The following ST7 variants were observed in gnomAD, a reference collection of about 807,000 sequenced individuals.
ST7 encodes suppression of tumorigenicity 7.
ST7 carries 28 observed loss-of-function variants against 78.7 expected under a neutral mutation model. That is an observed-to-expected ratio of 0.36 (90% CI 0.26 to 0.49). The LOEUF (loss-of-function observed/expected upper bound fraction) is 0.49. ST7 is among the 20% of genes least tolerant of loss of function. The pLI is 0.99. For missense variants in ST7, 418 were observed against 696.0 expected, an observed-to-expected ratio of 0.60 and a Z score of 4.49; for synonymous variants, 247 against 249.6, an observed-to-expected ratio of 0.99 and a Z score of 0.10.
At position 117,230,108 on chromosome 7, in the gene ST7, T is replaced by G. The variant is rs1321505413; in HGVS notation, c.*251T>G. ...AACTTTTGTGTATTACAGCAATCAT[T>G]TGTATCCTCCTGTGTCTTCCAACCC... On this transcript the variant is annotated 3_prime_UTR_variant, in exon 16 of 16. Transcript: ENST00000323984. 1.5e-6 allele frequency: 1 copy of G among 650,616 alleles called. No individual in the cohort carries two copies. The allele number at this position is 650,616 out of a possible 1,614,324, so 40.3% of individuals were successfully genotyped here.
intron 13 of ST7, among the ~76,000 whole-genome samples, chr7:117,210,894 TAAAAC>T (rs1020302908): frequency 6.6e-6 from 1 of 152,188 alleles, no homozygotes; most frequent in African/African-American, 2.4e-5. Flanking sequence ...CATGGGAAAC[TAAAAC>T]AAGAGAGTCT....
At chr7:117,197,571 T>C (rs558678725) in intron 12 of ST7, among the ~76,000 whole-genome samples, 1 of 152,224 alleles carries the variant, frequency 6.6e-6, no homozygotes, top group Non-Finnish European at 1.5e-5. Flanking sequence ...TATCATATCC[T>C]CACTGTCATT....
chr7:117,099,074 A>AG (rs1801364877), intron 1 of ST7, among the ~76,000 whole-genome samples: 7 of 149,492 alleles, frequency 4.7e-5, no homozygotes, highest in African/African-American at 9.8e-5. Flanking sequence ...AACAAAAAAA[A>AG]AAGAAGAAGA....
At chr7:117,058,853 G>A (rs1262519411) in intron 1 of ST7, among the ~76,000 whole-genome samples, 1 of 152,088 alleles carries the variant, frequency 6.6e-6, no homozygotes, top group Non-Finnish European at 1.5e-5. Context: ...AATGGAGTAC[G>A]ATTCAGCCAT....
At chr7:116,988,334 T>C (rs917520060) in intron 1 of ST7, among the ~76,000 whole-genome samples, 2 of 152,202 alleles carry the variant, frequency 1.3e-5, no homozygotes, top group African/African-American at 4.8e-5. Flanking sequence ...TAAAATGGAA[T>C]GTTTATTGAT....
At chr7:117,132,516 A>T (rs1361763121) in intron 6 of ST7, among the ~76,000 whole-genome samples, 1 of 151,844 alleles carries the variant, frequency 6.6e-6, no homozygotes, top group Non-Finnish European at 1.5e-5. Context: ...TTAAAGTTGG[A>T]GTCATAAAAA....
At chr7:117,052,339 A>G (rs1197899854) in intron 1 of ST7, among the ~76,000 whole-genome samples, 2 of 152,154 alleles carry the variant, frequency 1.3e-5, no homozygotes, top group South Asian at 2.1e-4. Flanking sequence ...AAACAGGTTG[A>G]TAAGTTTTGC....
chr7:117,044,724 G>A (rs1009897329), intron 1 of ST7, among the ~76,000 whole-genome samples: 4 of 152,088 alleles, frequency 2.6e-5, no homozygotes, highest in Admixed American at 6.6e-5. Context: ...CAAACCCAGC[G>A]TTCTGTGACT....
intron 1 of ST7, among the ~76,000 whole-genome samples, chr7:117,031,157 T>C (rs941829288): frequency 6.6e-6 from 1 of 151,310 alleles, no homozygotes; most frequent in Non-Finnish European, 1.5e-5. Context: ...GGACAGAAAT[T>C]GGGTAATAAC....
At chr7:117,064,143 T>C (rs1459709397) in intron 1 of ST7, among the ~76,000 whole-genome samples, 1 of 152,226 alleles carries the variant, frequency 6.6e-6, no homozygotes, top group Non-Finnish European at 1.5e-5. Context: ...CCTTTTTCTA[T>C]TGAAGATAAA....
At position 117,012,280 on chromosome 7, in the gene ST7, G is replaced by GA. The variant is rs1281377147; in HGVS notation, c.151+58592dup. 4.1e-5 allele frequency among the ~76,000 whole-genome samples: 6 copies of GA among 147,476 alleles called. No individual in the cohort carries two copies. In the East Asian group the frequency reaches 1.0e-3, roughly 25 times the overall value. Reference sequence around the variant, plus strand: ...TTTATTGGAAAGAACCTAGTTTTTTGAAATTTTTTTTTTTTTTTTGGCTTC... The same window carrying GA: ...TTTATTGGAAAGAACCTAGTTTTTTGAAAATTTTTTTTTTTTTTTTGGCTTC... On this transcript the variant is annotated intron_variant, in intron 1 of 15. Coordinates refer to ENST00000323984, the MANE Select transcript of ST7 (RefSeq NM_001369598.1).
chr7:116,967,298 G>A (rs1032141952), intron 1 of ST7: 4 of 471,008 alleles, frequency 8.5e-6, no homozygotes, highest in Non-Finnish European at 4.4e-6. Flanking sequence ...TACCCGCAGT[G>A]GTGGTGGCCA....
intron 7 of ST7, 38 bp from the exon 8 acceptor site, chr7:117,136,043 G>A (rs777823326): frequency 6.2e-7 from 1 of 1,606,232 alleles, no homozygotes; most frequent in South Asian, 1.1e-5. Context: ...CATGTCCTTG[G>A]CTTTGTAATT....
Position 117,132,041 on chromosome 7 carries a change from TA to T in ST7, c.641+84del, listed in dbSNP as rs1374337188. 158 of 1,309,180 alleles carry T rather than the reference TA, an allele frequency of 1.2e-4. 2 individuals are homozygous for T. Among genetic ancestry groups the T allele is most frequent in the Non-Finnish European group, 9.8e-6 (9 of 921,146 alleles). The allele number at this position is 1,309,180 out of a possible 1,614,324, so 81.1% of individuals were successfully genotyped here. A position where few individuals can be genotyped will look rare whatever the true frequency, so the allele number is the denominator to read the frequency against. On this transcript the variant is annotated intron_variant, in intron 6 of 15. Coordinates refer to ENST00000323984, the MANE Select transcript of ST7 (RefSeq NM_001369598.1). ...ATTCAGTTGCCATTGATAGGATACTTAAATTAAACTGCATTTGAACTGGAGG... is the reference window on the plus strand; with the variant it reads ...ATTCAGTTGCCATTGATAGGATACTTAATTAAACTGCATTTGAACTGGAGG...
At chr7:117,093,016 T>C (rs1182473689) in intron 1 of ST7, among the ~76,000 whole-genome samples, 2 of 152,188 alleles carry the variant, frequency 1.3e-5, no homozygotes, top group African/African-American at 4.8e-5. Flanking sequence ...GTGGTTCCCA[T>C]ATGGCCTGTG....
intron 1 of ST7, among the ~76,000 whole-genome samples, chr7:117,083,893 G>A (rs192069020): frequency 1.9e-4 from 29 of 152,204 alleles, no homozygotes; most frequent in Admixed American, 3.3e-4. Flanking sequence ...CTTTGGTTCC[G>A]CCTCCCATCT....
chr7:117,198,383 C>T (rs1810510223), intron 12 of ST7: 2 of 452,484 alleles, frequency 4.4e-6, no homozygotes, highest in African/African-American at 4.0e-5. Flanking sequence ...GCCACCCTAG[C>T]CTGAAGAAGG....
chr7:117,132,016 A>G lies in ST7; in HGVS notation c.641+56A>G, dbSNP rs1804398218. On this transcript the variant is annotated intron_variant, in intron 6 of 15. Coordinates refer to ENST00000323984, the MANE Select transcript of ST7 (RefSeq NM_001369598.1). ...GGAAATCTCATCCTTTGCTGAATAT[A>G]TTCAGTTGCCATTGATAGGATACTT... 7.3e-6 allele frequency: 11 copies of G among 1,496,902 alleles called. No homozygotes were observed. In the East Asian group the frequency reaches 2.3e-4, roughly 31 times the overall value. 92.7% of individuals were successfully genotyped at this position (1,496,902 alleles called of 1,614,324 possible). A position where few individuals can be genotyped will look rare whatever the true frequency, so the allele number is the denominator to read the frequency against.
At chr7:117,101,291 T>A (rs548232785) in intron 2 of ST7, among the ~76,000 whole-genome samples, 1 of 152,302 alleles carries the variant, frequency 6.6e-6, no homozygotes, top group Non-Finnish European at 1.5e-5. Context: ...ATTAATGCCC[T>A]CACTTTAACA....
Sources: gnomAD v4.1 joint callset for allele counts (sites outside exome capture counted in the v4.1 genomes callset) on GRCh38, gnomAD v4.1.1 for gene constraint, MANE v1.5 for transcripts, NCBI Gene and HGNC (gene_info 2026-07-23, HGNC 2026-07-21) for gene names.